PIK3C2G: variants seen among roughly 807,000 people sequenced by gnomAD.
PIK3C2G encodes the protein phosphatidylinositol-4-phosphate 3-kinase catalytic subunit type 2 gamma, also known as phosphatidylinositol 3-kinase C2 domain-containing subunit gamma.
A neutral mutation model predicts 181.1 loss-of-function variants in PIK3C2G; 168 were observed. The observed-to-expected ratio is 0.93, with a 90% CI of 0.82 to 1.05. The LOEUF is 1.05. PIK3C2G is among the 50% of genes least tolerant of loss of function. The pLI is 0.00. For missense variants in PIK3C2G, 1,869 were observed against 1,732.8 expected, an observed-to-expected ratio of 1.08 and a Z score of -1.40; for synonymous variants, 573 against 592.2, an observed-to-expected ratio of 0.97 and a Z score of 0.47.
rs755695022 is a variant in PIK3C2G at position 18,563,398 on chromosome 12, C to G, written c.3802C>G (p.His1268Asp). 7.4e-6 allele frequency: 12 copies of G among 1,612,530 alleles called. No individual in the cohort carries two copies. Among genetic ancestry groups the G allele is most frequent in the Non-Finnish European group, 9.3e-6 (11 of 1,179,126 alleles). ...SSNLYLIQVTHSNNETSLTEK... is the reference protein window; with the variant it reads ...SSNLYLIQVTDSNNETSLTEK... Reference sequence around the variant, plus strand: ...GCAGCTGTATCTGATCCAGGTGACACACAGCAACAACGAAACAAGCCTGAC... The same window carrying G: ...GCAGCTGTATCTGATCCAGGTGACAGACAGCAACAACGAAACAAGCCTGAC... Residue 1268 changes from histidine (H) to aspartate (D), a missense_variant, in exon 28 of 33, where the codon CAC (histidine) becomes GAC (aspartate). His to Asp is a moderately conservative substitution (Grantham distance 81, BLOSUM62 -1). Coordinates refer to ENST00000538779, the MANE Select transcript of PIK3C2G (RefSeq NM_001288772.2).
chr12:18,439,208 C>T (rs1353893840), intron 18 of PIK3C2G, among the ~76,000 whole-genome samples: 3 of 151,902 alleles, frequency 2.0e-5, no homozygotes, highest in Non-Finnish European at 4.4e-5. Context: ...GTTTCTGAAA[C>T]ATGCTAAGTG....
At chr12:18,705,202 C>T in the PIK3C2G span, 1 of 1,613,984 alleles carries the variant, frequency 6.2e-7, no homozygotes, top group Non-Finnish European at 8.5e-7. Context: ...AATCATCAAG[C>T]ATATCAGAAA....
intron 31 of PIK3C2G, among the ~76,000 whole-genome samples, chr12:18,620,481 A>G (rs1948804747): frequency 6.6e-6 from 1 of 151,996 alleles, no homozygotes; most frequent in African/African-American, 2.4e-5. Context: ...TTACATTTAA[A>G]GTGGGCTTCT....
upstream of PIK3C2G, among the ~76,000 whole-genome samples, chr12:18,244,043 T>G (rs1009879484): frequency 6.6e-5 from 10 of 151,890 alleles, no homozygotes; most frequent in African/African-American, 1.9e-4. Flanking sequence ...GTAATAACTA[T>G]GAGAACAGAG....
intron 1 of PIK3C2G, among the ~76,000 whole-genome samples, chr12:18,248,633 TATACG>T (rs1388093699): frequency 6.6e-6 from 1 of 152,160 alleles, no homozygotes; most frequent in Non-Finnish European, 1.5e-5. Context: ...GGCTGATTTT[TATACG>T]TTTCTATTAC....
intron 28 of PIK3C2G, among the ~76,000 whole-genome samples, chr12:18,565,906 A>T (rs1016967974): frequency 6.6e-6 from 1 of 152,164 alleles, no homozygotes; most frequent in Non-Finnish European, 1.5e-5. Flanking sequence ...TCCCAAAAAA[A>T]CTATGCATAT....
intron 18 of PIK3C2G, among the ~76,000 whole-genome samples, chr12:18,438,218 A>G (rs1946550131): frequency 2.0e-5 from 3 of 152,034 alleles, no homozygotes; most frequent in African/African-American, 4.8e-5. Context: ...ATTTATTCTT[A>G]GACATAATTG....
intron 24 of PIK3C2G, among the ~76,000 whole-genome samples, chr12:18,509,932 G>A (rs1942100186): frequency 6.6e-6 from 1 of 152,132 alleles, no homozygotes; most frequent in Non-Finnish European, 1.5e-5. Context: ...CCAGCTCTCT[G>A]AAACCAGTTG....
chr12:18,405,270 A>G (rs12822135), intron 16 of PIK3C2G, among the ~76,000 whole-genome samples: 16,992 of 152,094 alleles, frequency 0.11, 1,033 homozygotes, highest in African/African-American at 0.14. Context: ...ACAATGTGGG[A>G]GTTGTTGGCT....
At chr12:18,487,012 C>A in intron 18 of PIK3C2G, among the ~76,000 whole-genome samples, 1 of 151,926 alleles carries the variant, frequency 6.6e-6, no homozygotes, top group East Asian at 1.9e-4. Flanking sequence ...AAATTTTTCA[C>A]TGCTACTCTT....
At chr12:18,553,869 C>T (rs140411762) in intron 26 of PIK3C2G, among the ~76,000 whole-genome samples, 5 of 152,122 alleles carry the variant, frequency 3.3e-5, no homozygotes, top group Non-Finnish European at 7.4e-5. Flanking sequence ...TTTCTTTACT[C>T]ATTGGTAGTA....
intron 8 of PIK3C2G, among the ~76,000 whole-genome samples, chr12:18,331,114 T>C (rs1047537781): frequency 6.6e-6 from 1 of 152,106 alleles, no homozygotes; most frequent in Admixed American, 6.6e-5. Flanking sequence ...CTAATACCAG[T>C]CAACATTACC....
intron 1 of PIK3C2G, among the ~76,000 whole-genome samples, chr12:18,275,776 ACCT>A (rs1211891666): frequency 6.6e-6 from 1 of 151,978 alleles, no homozygotes; most frequent in Non-Finnish European, 1.5e-5. Flanking sequence ...CAATTCAAAG[ACCT>A]CCTCTTCCTC....
intron 5 of PIK3C2G, among the ~76,000 whole-genome samples, chr12:18,294,975 T>C (rs1949870850): frequency 6.6e-6 from 1 of 151,102 alleles, no homozygotes; most frequent in Non-Finnish European, 1.5e-5. Context: ...AGTTCTTTAC[T>C]GTGCAGTGTT....
At chr12:18,553,638 T>C (rs941041523) in intron 26 of PIK3C2G, among the ~76,000 whole-genome samples, 2 of 152,068 alleles carry the variant, frequency 1.3e-5, no homozygotes, top group African/African-American at 4.8e-5. Context: ...CTTTAAGCCA[T>C]ATCTAAACTG....
intron 16 of PIK3C2G, among the ~76,000 whole-genome samples, chr12:18,410,726 G>T (rs910889945): frequency 6.6e-6 from 1 of 151,930 alleles, no homozygotes; most frequent in Non-Finnish European, 1.5e-5. Context: ...GAACAGTCTC[G>T]ATGTTTAAAC....
intron 18 of PIK3C2G, among the ~76,000 whole-genome samples, chr12:18,469,570 T>C (rs1420449651): frequency 6.6e-6 from 1 of 152,080 alleles, no homozygotes; most frequent in Non-Finnish European, 1.5e-5. Context: ...CTCTGACTTT[T>C]GTCCTACGGA....
chr12:18,296,114 T>C (rs1392729053), intron 5 of PIK3C2G, among the ~76,000 whole-genome samples: 7 of 152,112 alleles, frequency 4.6e-5, no homozygotes, highest in Admixed American at 4.6e-4. Flanking sequence ...ATGAAACATA[T>C]GACTACAAAC....
intron 11 of PIK3C2G, among the ~76,000 whole-genome samples, chr12:18,361,588 A>T (rs1941240365): frequency 6.6e-6 from 1 of 151,394 alleles, no homozygotes; most frequent in South Asian, 2.1e-4. Context: ...TGCCTTCCAA[A>T]CCTTTCATAT....
Sources: allele counts gnomAD v4.1 joint callset (sites outside exome capture counted in the v4.1 genomes callset), GRCh38; gene constraint gnomAD v4.1.1; transcripts MANE v1.5; gene names NCBI Gene and HGNC (gene_info 2026-07-23, HGNC 2026-07-21).